CREBBP: variants seen among roughly 807,000 people sequenced by gnomAD.
CREBBP encodes CREB-binding protein.
CREBBP carries 19 observed loss-of-function variants against 265.0 expected under a neutral mutation model. The ratio of observed to expected loss-of-function variants is 0.07; its 90% CI spans 0.05 to 0.11. The LOEUF (loss-of-function observed/expected upper bound fraction) is 0.11, where lower values mean the gene tolerates loss of function less well. Ranked by LOEUF, CREBBP falls within the 10% of genes least tolerant of loss-of-function variation. The pLI, the probability that CREBBP is intolerant of heterozygous loss-of-function variation, is 1.00. For synonymous variants in CREBBP, 1,457 were observed against 1,223.7 expected (o/e 1.19, Z -3.98); for missense variants, 2,525 against 3,219.0 (o/e 0.78, Z 5.22).
rs111592811 is a variant in CREBBP at position 3,764,021 on chromosome 16, A to G, written c.3250+3699T>C. 2.6e-3 allele frequency among the ~76,000 whole-genome samples: 394 copies of G among 152,206 alleles called. 1 individual carries two copies. Among genetic ancestry groups the G allele is most frequent in the African/African-American group, 9.1e-3 (377 of 41,540 alleles). On this transcript the variant is annotated intron_variant, in intron 16 of 30. Coordinates refer to ENST00000262367, the MANE Select transcript of CREBBP (RefSeq NM_004380.3). ...TGCCACACCCAGCTAAAAAGCAAAA[A>G]CAAAGGAAAAGAAAGCCAACATCAC...
intron 16 of CREBBP, among the ~76,000 whole-genome samples, chr16:3,761,086 T>C (rs1463380965): frequency 6.6e-6 from 1 of 151,956 alleles, no homozygotes; most frequent in African/African-American, 2.4e-5. Flanking sequence ...TTCCGAGTAG[T>C]TGGGATTACA....
chr16:3,739,458 G>T, intron 25 of CREBBP, 120 bp downstream of exon 25: 1 of 1,165,450 alleles, frequency 8.6e-7, no homozygotes, highest in Non-Finnish European at 1.2e-6. Flanking sequence ...AGTTAATTGT[G>T]GTTTCATTTA....
At chr16:3,757,704 C>T (rs1245491852) in intron 18 of CREBBP, 105 bp downstream of exon 18, 1 of 1,492,088 alleles carries the variant, frequency 6.7e-7, no homozygotes, top group Non-Finnish European at 9.2e-7. Flanking sequence ...CAGCAGATTG[C>T]ACATATGCAC....
At chr16:3,738,917 A>G (rs1328328425) in intron 25 of CREBBP, among the ~76,000 whole-genome samples, 1 of 152,094 alleles carries the variant, frequency 6.6e-6, no homozygotes, top group African/African-American at 2.4e-5. Context: ...CAGATAATTT[A>G]TTTTTTGTAG....
intron 2 of CREBBP, among the ~76,000 whole-genome samples, chr16:3,819,260 T>A (rs1301652531): frequency 6.6e-6 from 1 of 152,276 alleles, no homozygotes; most frequent in Non-Finnish European, 1.5e-5. Flanking sequence ...AGGGATTTAC[T>A]TAAACCTCTC....
chr16:3,802,506 T>A (rs538453657), intron 3 of CREBBP, among the ~76,000 whole-genome samples: 1 of 152,064 alleles, frequency 6.6e-6, no homozygotes, highest in Non-Finnish European at 1.5e-5. Flanking sequence ...TTTGGGTAAT[T>A]TAGCCCCAAT....
At chr16:3,740,377 T>C (rs767515527) in intron 24 of CREBBP, 22 bp downstream of exon 24, 2 of 1,613,844 alleles carry the variant, frequency 1.2e-6, no homozygotes, top group Non-Finnish European at 1.7e-6. Flanking sequence ...CGCAGAGCAC[T>C]GTAGAGAGCA....
In CREBBP at chr16:3,729,886, G is replaced by C. The variant is rs1410463447; in HGVS notation, c.5173-12C>G. 1 of 1,600,130 alleles carries C rather than the reference G, an allele frequency of 6.2e-7. No homozygotes were observed. Among genetic ancestry groups the C allele is most frequent in the South Asian group, 1.1e-5 (1 of 91,042 alleles). ...CAGAGGTCGTAGTCCTGCAAGCAAGGAAAGGGGACAGGCCGGTGTCAGCAT... is the reference window on the plus strand; with the variant it reads ...CAGAGGTCGTAGTCCTGCAAGCAAGCAAAGGGGACAGGCCGGTGTCAGCAT... On this transcript the variant is annotated splice_polypyrimidine_tract_variant and intron_variant, in intron 30 of 30. Transcript: ENST00000262367.
Position 3,797,845 on chromosome 16 carries a change from CT to C in CREBBP, c.976-4220del, listed in dbSNP as rs533933270. Among the ~76,000 whole-genome samples the C allele has an allele frequency of 2.0e-3, 304 of 151,476 alleles. 1 individual carries two copies. The highest frequency in any genetic ancestry group is 7.0e-3 in the African/African-American group (289 of 41,336). ...TAAAATGGAGAAAAAAATTTAAAAACTTTTAGGACATGAGGATGAGAAAGCC... is the reference window on the plus strand; with the variant it reads ...TAAAATGGAGAAAAAAATTTAAAAACTTTAGGACATGAGGATGAGAAAGCC... On this transcript the variant is annotated intron_variant, in intron 3 of 30. Coordinates refer to ENST00000262367, the MANE Select transcript of CREBBP (RefSeq NM_004380.3).
At chr16:3,751,475 C>T (rs535471613) in intron 20 of CREBBP, among the ~76,000 whole-genome samples, 3 of 151,956 alleles carry the variant, frequency 2.0e-5, no homozygotes, top group African/African-American at 4.8e-5. Flanking sequence ...ACCTGTAATC[C>T]CAGCTACTTG....
intron 2 of CREBBP, among the ~76,000 whole-genome samples, chr16:3,845,075 T>C (rs1381158479): frequency 1.3e-5 from 2 of 152,192 alleles, no homozygotes; most frequent in African/African-American, 4.8e-5. Context: ...TTTTTTGTTT[T>C]TAAAATTTGA....
chr16:3,757,386 T>A lies in CREBBP; in HGVS notation c.3610-10A>T, dbSNP rs755035295. On this transcript the variant is annotated splice_polypyrimidine_tract_variant and intron_variant, in intron 18 of 30. Transcript: ENST00000262367. ...GTGGGGAAAACTCATACTGCAAAAA[T>A]AAAGGAGAAATACTTTTATATAAAA... 2 of 1,603,144 alleles carry A rather than the reference T, an allele frequency of 1.2e-6. No individual in the cohort carries two copies. Among genetic ancestry groups the A allele is most frequent in the Non-Finnish European group, 1.7e-6 (2 of 1,171,404 alleles).
At chr16:3,841,334 C>T (rs2054562842) in intron 2 of CREBBP, among the ~76,000 whole-genome samples, 1 of 151,870 alleles carries the variant, frequency 6.6e-6, no homozygotes, top group Non-Finnish European at 1.5e-5. Context: ...GAAGCAAAGT[C>T]ACTTGTGGGT....
rs1555481090 is a variant in CREBBP, at chr16:3,768,134, G to GTGTT, written c.3061-229_3061-226dup. ...TGCAATTATGGTCCTAAATTTAAAA[G>GTGTT]TGTTTTTTTTTTTTTTTTTTTTTTT... On this transcript the variant is annotated intron_variant, in intron 15 of 30. Coordinates refer to ENST00000262367, the MANE Select transcript of CREBBP (RefSeq NM_004380.3). Among the ~76,000 whole-genome samples the GTGTT allele has an allele frequency of 3.7e-3, 219 of 59,010 alleles. 3 individuals carry two copies. Among genetic ancestry groups the GTGTT allele is most frequent in the Middle Eastern group, 0.036 (4 of 112 alleles). The allele number at this position is 59,010 out of a possible 152,430, so 38.7% of individuals were successfully genotyped here.
At chr16:3,759,000 CT>C in intron 16 of CREBBP, 28 bp from the exon 17 acceptor site, 1 of 1,555,160 alleles carries the variant, frequency 6.4e-7, no homozygotes, top group Non-Finnish European at 8.9e-7. Flanking sequence ...AGAAAAGACA[CT>C]TTGTAAAAGG....
At chr16:3,790,366 CTTTTTTTT>C (rs57582399) in intron 5 of CREBBP, among the ~76,000 whole-genome samples, 7 of 66,586 alleles carry the variant, frequency 1.1e-4, no homozygotes, top group East Asian at 4.1e-4. Flanking sequence ...AGGAAACTGG[CTTTTTTTT>C]TTTTTTTTTT....
intron 2 of CREBBP, chr16:3,840,871 C>T (rs1379767490): frequency 6.4e-6 from 1 of 156,068 alleles, no homozygotes; most frequent in African/African-American, 2.4e-5. Context: ...CGAGAACTAA[C>T]AAACACTGGG....
chr16:3,854,408 G>T (rs2054917801), intron 1 of CREBBP, among the ~76,000 whole-genome samples: 1 of 152,220 alleles, frequency 6.6e-6, no homozygotes. Context: ...AACACCTGGG[G>T]TGGGGAGATC....
chr16:3,829,703 A>G (rs1464416475), intron 2 of CREBBP, among the ~76,000 whole-genome samples: 1 of 152,252 alleles, frequency 6.6e-6, no homozygotes, highest in Non-Finnish European at 1.5e-5. Context: ...CTGCCAGAAC[A>G]AAACAAACTA....
Sources: allele counts gnomAD v4.1 joint callset (sites outside exome capture counted in the v4.1 genomes callset), GRCh38; gene constraint gnomAD v4.1.1; transcripts MANE v1.5; gene names NCBI Gene and HGNC (gene_info 2026-07-23, HGNC 2026-07-21).